The following DIAPH2 variants were observed in gnomAD, a reference collection of about 807,000 sequenced individuals.
The protein encoded by DIAPH2 is diaphanous related formin 2.
Under a neutral mutation model 92.7 loss-of-function variants are expected in DIAPH2, and 35 were observed. That is an observed-to-expected ratio of 0.38 (90% confidence interval 0.29 to 0.50). The LOEUF is 0.50. Among genes scored for constraint, DIAPH2 ranks in the 20% least tolerant of loss-of-function variants. DIAPH2 has a pLI of 0.94. For missense variants in DIAPH2, 701 were observed against 819.5 expected (o/e 0.86, Z 1.77); for synonymous variants, 301 against 280.4 (o/e 1.07, Z -0.73).
At chrX:96,764,086 G>C (rs2064286865) in intron 4 of DIAPH2, among the ~76,000 whole-genome samples, 1 of 110,104 alleles carries the variant, frequency 9.1e-6, no homozygotes, top group Non-Finnish European at 1.9e-5. Context: ...AATTATTCTA[G>C]GTGCACTGAT....
chrX:97,595,883 C>T (rs926759779), intron 26 of DIAPH2, among the ~76,000 whole-genome samples: 12 of 111,692 alleles, frequency 1.1e-4, no homozygotes, highest in African/African-American at 3.3e-4. Context: ...CTGCCCACCT[C>T]GGCCACCCAA....
At chrX:97,189,767 A>G (rs895333740) in intron 22 of DIAPH2, among the ~76,000 whole-genome samples, 1 of 112,663 alleles carries the variant, frequency 8.9e-6, no homozygotes, top group Non-Finnish European at 1.9e-5. Flanking sequence ...TGTAACCTTT[A>G]AAGCTGGCAT....
At chrX:97,541,632 C>CA (rs977139262) in intron 26 of DIAPH2, among the ~76,000 whole-genome samples, 2 of 112,081 alleles carry the variant, frequency 1.8e-5, no homozygotes, top group Non-Finnish European at 3.8e-5. Context: ...ATTTCTATGC[C>CA]ATGATATACT....
chrX:97,442,537 A>T (rs2070270358), intron 26 of DIAPH2: 1 of 112,741 alleles, frequency 8.9e-6, no homozygotes. Flanking sequence ...GGCCTTGATT[A>T]TGGGAAAGTT....
At chrX:97,441,005 G>A (rs2070251045) in intron 26 of DIAPH2, among the ~76,000 whole-genome samples, 1 of 111,799 alleles carries the variant, frequency 8.9e-6, no homozygotes, top group African/African-American at 3.3e-5. Context: ...ATGTACCTGA[G>A]AGGATGACTA....
intron 1 of DIAPH2, among the ~76,000 whole-genome samples, chrX:96,694,328 C>T (rs59109300): frequency 0.04 from 4,415 of 109,538 alleles, 237 homozygotes; most frequent in African/African-American, 0.14. Context: ...TATATGGTTA[C>T]GCATTATCTA....
chrX:97,423,510 A>T, intron 25 of DIAPH2, among the ~76,000 whole-genome samples: 1 of 112,059 alleles, frequency 8.9e-6, no homozygotes, highest in Non-Finnish European at 1.9e-5. Context: ...GCTGATACTG[A>T]AAATTAAGCA....
chrX:96,924,472 A>G (rs1163387879), intron 9 of DIAPH2, among the ~76,000 whole-genome samples: 1 of 111,340 alleles, frequency 9.0e-6, no homozygotes, highest in Non-Finnish European at 1.9e-5. Context: ...CCTCCATGAT[A>G]TAAAAAGGAA....
chrX:96,843,213 A>G (rs370220061), intron 4 of DIAPH2, among the ~76,000 whole-genome samples: 3 of 111,380 alleles, frequency 2.7e-5, no homozygotes, highest in African/African-American at 9.8e-5. Flanking sequence ...CTCTTTCTCC[A>G]TGTGACATGC....
chrX:97,206,370 T>A (rs1159457981), intron 22 of DIAPH2, among the ~76,000 whole-genome samples: 1 of 111,940 alleles, frequency 8.9e-6, no homozygotes, highest in Admixed American at 9.5e-5. Flanking sequence ...TTTATCAGCA[T>A]TCTTTAACTC....
chrX:96,983,476 G>A (rs780923630), intron 17 of DIAPH2, among the ~76,000 whole-genome samples: 37 of 112,217 alleles, frequency 3.3e-4, no homozygotes, highest in African/African-American at 1.1e-3. Flanking sequence ...TTCTGCAGTA[G>A]CAGTGCCTGA....
chrX:97,282,062 A>C (rs1265633527), intron 23 of DIAPH2, among the ~76,000 whole-genome samples: 1 of 110,780 alleles, frequency 9.0e-6, no homozygotes, highest in East Asian at 2.9e-4. Flanking sequence ...GAGGGTATGA[A>C]ATTTATTTAC....
chrX:97,539,982 C>A (rs2071127311), intron 26 of DIAPH2, among the ~76,000 whole-genome samples: 3 of 111,830 alleles, frequency 2.7e-5, no homozygotes, highest in South Asian at 7.4e-4. Flanking sequence ...GCTGAATTTA[C>A]AAGTGAAGGA....
At chrX:97,254,210 G>GGA (rs971675970) in intron 23 of DIAPH2, among the ~76,000 whole-genome samples, 7 of 111,660 alleles carry the variant, frequency 6.3e-5, no homozygotes, top group African/African-American at 2.3e-4. Flanking sequence ...GAGGACTCAA[G>GGA]GCTGGGCGCG....
intron 19 of DIAPH2, among the ~76,000 whole-genome samples, chrX:97,093,207 A>AAG (rs764194301): frequency 2.1e-5 from 2 of 94,679 alleles, no homozygotes; most frequent in Admixed American, 2.3e-4. Flanking sequence ...GAAAGAACGA[A>AAG]AGAGAGAGAG....
intron 22 of DIAPH2, among the ~76,000 whole-genome samples, chrX:97,181,637 C>A: frequency 9.0e-6 from 1 of 111,219 alleles, no homozygotes; most frequent in Middle Eastern, 4.7e-3. Context: ...CTTGAACTCC[C>A]GACCTCAGGT....
At chrX:97,018,288 A>G (rs1450439862) in intron 17 of DIAPH2, among the ~76,000 whole-genome samples, 1 of 112,123 alleles carries the variant, frequency 8.9e-6, no homozygotes, top group East Asian at 2.8e-4. Context: ...TTCAGTGTAA[A>G]AGTTTATATG....
intron 5 of DIAPH2, chrX:96,883,912 T>C (rs2065237982): frequency 7.7e-6 from 1 of 130,122 alleles, no homozygotes; most frequent in Admixed American, 8.6e-5. Context: ...GGGGGGCTAG[T>C]AAAAATGCAT....
At chrX:97,487,473 A>G (rs2147819898) in intron 26 of DIAPH2, among the ~76,000 whole-genome samples, 1 of 110,313 alleles carries the variant, frequency 9.1e-6, no homozygotes, top group East Asian at 2.9e-4. Flanking sequence ...ACGGGGTTTC[A>G]CCATGTTAGC....
Sources: allele counts gnomAD v4.1 joint callset (sites outside exome capture counted in the v4.1 genomes callset), GRCh38; gene constraint gnomAD v4.1.1; transcripts MANE v1.5; gene names NCBI Gene and HGNC (gene_info 2026-07-23, HGNC 2026-07-21).